AZI2: variants seen among roughly 807,000 people sequenced by gnomAD.
The protein encoded by AZI2 is 5-azacytidine-induced protein 2.
Under a neutral mutation model 45.8 loss-of-function variants are expected in AZI2, and 22 were observed. The observed-to-expected ratio is 0.48, with a 90% CI of 0.34 to 0.69. The LOEUF (loss-of-function observed/expected upper bound fraction) is 0.69, where lower values mean the gene tolerates loss of function less well. AZI2 is among the 30% of genes least tolerant of loss of function. AZI2 has a pLI of 0.01. For missense variants in AZI2, 417 were observed against 441.5 expected (o/e 0.94, Z 0.50); for synonymous variants, 137 against 156.7 (o/e 0.87, Z 0.94).
chr3:28,333,182 T>C (rs1559458597), intron 5 of AZI2, among the ~76,000 whole-genome samples: 1 of 151,822 alleles, frequency 6.6e-6, no homozygotes, highest in Non-Finnish European at 1.5e-5. Flanking sequence ...TATTTCTTAC[T>C]AATACAATCT....
At chr3:28,326,764 A>G in intron 7 of AZI2, 68 bp downstream of exon 7, 1 of 1,121,884 alleles carries the variant, frequency 8.9e-7, no homozygotes, top group Non-Finnish European at 1.4e-6. Context: ...TTTTGATAAG[A>G]TATGACAGCT....
rs1341052627 is a variant in AZI2 at position 28,336,793 on chromosome 3, G to A, written c.532C>T (p.Leu178=). 6.2e-7 allele frequency: 1 copy of A among 1,613,176 alleles called. No homozygotes were observed. Among genetic ancestry groups the A allele is most frequent in the Non-Finnish European group, 8.5e-7 (1 of 1,179,618 alleles). ...AGATCGCTACATTCTTTCCTCATCAGTTCCAGCTCTTGTTCCAAACCATGG... is the reference window on the plus strand; with the variant it reads ...AGATCGCTACATTCTTTCCTCATCAATTCCAGCTCTTGTTCCAAACCATGG... ...KIHGLEQELE[L]MRKECSDLKI... Residue 178 remains leucine, a synonymous_variant, in exon 5 of 8, where the codon CTG becomes TTG. Transcript: ENST00000479665.
chr3:28,344,664 T>C lies in AZI2; in HGVS notation c.-6+3937A>G, dbSNP rs1463136557. 2.6e-5 allele frequency among the ~76,000 whole-genome samples: 4 copies of C among 152,108 alleles called. No individual in the cohort carries two copies. In the East Asian group the frequency reaches 7.7e-4, roughly 29 times the overall value. ...ATGGTAAAAGTGTAACTGGCTATTA[T>C]TCTATTTGACAAACTAGACCAAGCT... On this transcript the variant is annotated intron_variant, in intron 1 of 7. Coordinates refer to ENST00000479665, the MANE Select transcript of AZI2 (RefSeq NM_022461.5).
rs1387048493 is a variant in AZI2, at chr3:28,336,800, C to A, written c.525G>T (p.Glu175Asp). 1 of 1,613,432 alleles carries A rather than the reference C, an allele frequency of 6.2e-7. No individual in the cohort carries two copies. Among genetic ancestry groups the A allele is most frequent in the South Asian group, 1.1e-5 (1 of 91,046 alleles). ...CDLKIHGLEQELELMRKECSD... is the reference protein window; with the variant it reads ...CDLKIHGLEQDLELMRKECSD... Reference sequence around the variant, plus strand: ...TACATTCTTTCCTCATCAGTTCCAGCTCTTGTTCCAAACCATGGATCTTCA... The same window carrying A: ...TACATTCTTTCCTCATCAGTTCCAGATCTTGTTCCAAACCATGGATCTTCA... The change falls in exon 5 of 8, where the codon GAG (glutamate) becomes GAT (aspartate). Residue 175 changes from glutamate (E) to aspartate (D), a missense_variant. By Grantham distance (45) the Glu-to-Asp change is conservative. Coordinates refer to ENST00000479665, the MANE Select transcript of AZI2 (RefSeq NM_022461.5).
chr3:28,324,359 G>C lies in AZI2; in HGVS notation c.862C>G (p.Leu288Val). Residue 288 changes from leucine to valine, a missense_variant, in exon 8 of 8, where the codon CTC (leucine) becomes GTC (valine). By Grantham distance (32) the Leu-to-Val change is conservative (BLOSUM62 1). Transcript: ENST00000479665. The part of the protein sequence containing the change: ...FTATYTRHPP[L>V]LPNGKALCHT... ...CAAAGAGCTTTGCCATTTGGTAAGA[G>C]AGGGGGATGTCTTGTGTATGTTGCA... 6.3e-7 allele frequency: 1 copy of C among 1,595,322 alleles called. No homozygotes were observed. The highest frequency in any genetic ancestry group is 8.5e-7 in the Non-Finnish European group (1 of 1,170,006).
chr3:28,340,602 C>G lies in AZI2; in HGVS notation c.16G>C (p.Glu6Gln), dbSNP rs1169485365. MDALV[E>Q]DDICILNHEK... ...TGATTCAGAATACAGATATCATCTT[C>G]TACCAGTGCATCCATGACAACTGTT... Residue 6 changes from glutamate to glutamine, a missense_variant, in exon 2 of 8, where the codon GAA becomes CAA. Physicochemically the swap from Glu to Gln is conservative, Grantham distance 29 (BLOSUM62 2). Transcript: ENST00000479665. 1 of 1,609,156 alleles carries G rather than the reference C, an allele frequency of 6.2e-7. No individual in the cohort carries two copies. The highest frequency in any genetic ancestry group is 8.5e-7 in the Non-Finnish European group (1 of 1,177,854).
chr3:28,336,799 G>A lies in AZI2; in HGVS notation c.526C>T (p.Leu176=). 6.2e-7 allele frequency: 1 copy of A among 1,613,314 alleles called. No individual in the cohort carries two copies. ...DLKIHGLEQE[L]ELMRKECSDL... ...CTACATTCTTTCCTCATCAGTTCCA[G>A]CTCTTGTTCCAAACCATGGATCTTC... Residue 176 remains leucine, a synonymous_variant, in exon 5 of 8, where the codon CTG becomes TTG. Coordinates refer to ENST00000479665, the MANE Select transcript of AZI2 (RefSeq NM_022461.5).
At chr3:28,337,725 C>T (rs894754610) in intron 4 of AZI2, among the ~76,000 whole-genome samples, 1 of 152,168 alleles carries the variant, frequency 6.6e-6, no homozygotes, top group African/African-American at 2.4e-5. Flanking sequence ...AAAACCATCA[C>T]ATTTTCTCTA....
intron 1 of AZI2, among the ~76,000 whole-genome samples, chr3:28,341,109 A>C (rs922701838): frequency 6.6e-6 from 1 of 152,122 alleles, no homozygotes; most frequent in Admixed American, 6.6e-5. Flanking sequence ...ATATTATAGA[A>C]GTCTTAATGC....
In AZI2 at chr3:28,344,481, A is replaced by T. The variant is rs1055990344; in HGVS notation, c.-5-3859T>A. 2.6e-5 allele frequency among the ~76,000 whole-genome samples: 4 copies of T among 152,162 alleles called. No individual in the cohort carries two copies. In the East Asian group the frequency reaches 7.7e-4, roughly 29 times the overall value. On this transcript the variant is annotated intron_variant, in intron 1 of 7. Transcript: ENST00000479665. Reference sequence around the variant, plus strand: ...GTTGCCTTTGGTGTTATTGCTACGCAAGCATCCTTTATAAAATGTATTTCT... The same window carrying T: ...GTTGCCTTTGGTGTTATTGCTACGCTAGCATCCTTTATAAAATGTATTTCT...
chr3:28,343,972 A>G (rs988774209), intron 1 of AZI2, among the ~76,000 whole-genome samples: 2 of 151,972 alleles, frequency 1.3e-5, no homozygotes, highest in African/African-American at 4.8e-5. Context: ...TATAAATCAA[A>G]AGTTGCATAT....
chr3:28,343,542 T>G (rs905586587), intron 1 of AZI2, among the ~76,000 whole-genome samples: 1 of 152,050 alleles, frequency 6.6e-6, no homozygotes, highest in African/African-American at 2.4e-5. Context: ...TTGATTTTTT[T>G]TTTTTAATTC....
In AZI2 at chr3:28,326,910, T is replaced by A. The variant is rs1438803285; in HGVS notation, c.688A>T (p.Met230Leu). Residue 230 changes from methionine to leucine, a missense_variant, in exon 7 of 8, where the codon ATG becomes TTG. Transcript: ENST00000479665. ...QHAYWELKRE[M>L]SNLHLVTQVQ... Reference sequence around the variant, plus strand: ...TGAGTCACCAGATGTAAATTAGACATTTCTCTCTTCAGTTCCCAGTATGCA... The same window carrying A: ...TGAGTCACCAGATGTAAATTAGACAATTCTCTCTTCAGTTCCCAGTATGCA... The A allele has an allele frequency of 6.2e-7, 1 of 1,608,150 alleles. No homozygotes were observed. Among genetic ancestry groups the A allele is most frequent in the African/African-American group, 1.3e-5 (1 of 74,502 alleles).
chr3:28,333,294 G>A (rs941201259), intron 5 of AZI2, among the ~76,000 whole-genome samples: 7 of 151,724 alleles, frequency 4.6e-5, no homozygotes, highest in African/African-American at 1.7e-4. Flanking sequence ...TCTTATAGGA[G>A]TTAAAACATT....
At chr3:28,347,217 A>G (rs1704278038) in intron 1 of AZI2, among the ~76,000 whole-genome samples, 1 of 152,220 alleles carries the variant, frequency 6.6e-6, no homozygotes, top group African/African-American at 2.4e-5. Context: ...TACTTCATGG[A>G]TTATAAAAAA....
In AZI2 at chr3:28,323,823, A is replaced by G; in HGVS notation, c.*219T>C. 2.3e-6 allele frequency: 1 copy of G among 430,430 alleles called. No homozygotes were observed. Among genetic ancestry groups the G allele is most frequent in the Non-Finnish European group, 4.1e-6 (1 of 241,430 alleles). The allele number at this position is 430,430 out of a possible 1,614,324, so 26.7% of individuals were successfully genotyped here. A position where few individuals can be genotyped will look rare whatever the true frequency, so the allele number is the denominator to read the frequency against. Reference sequence around the variant, plus strand: ...TACTTATTAATTAGTATAGTAGCATATTTCAGATTCTTAGAATATGGAGCT... The same window carrying G: ...TACTTATTAATTAGTATAGTAGCATGTTTCAGATTCTTAGAATATGGAGCT... On this transcript the variant is annotated 3_prime_UTR_variant, in exon 8 of 8. Transcript: ENST00000479665.
chr3:28,345,870 A>G (rs1704205854), intron 1 of AZI2, among the ~76,000 whole-genome samples: 1 of 151,800 alleles, frequency 6.6e-6, no homozygotes, highest in African/African-American at 2.4e-5. Context: ...ATCCTGTCAT[A>G]TTTCATCATC....
In AZI2 at chr3:28,335,020, AAAG is replaced by A. The variant is rs548999754; in HGVS notation, c.588+1714_588+1716del. ...TGTGAGAAATACAGACTCTTGGGCCAAAGAAGTAAAAGAGATACTGGATCAGTA... is the reference window on the plus strand; with the variant it reads ...TGTGAGAAATACAGACTCTTGGGCCAAAGTAAAAGAGATACTGGATCAGTA... On this transcript the variant is annotated intron_variant, in intron 5 of 7. Transcript: ENST00000479665. 3.9e-3 allele frequency among the ~76,000 whole-genome samples: 590 copies of A among 152,174 alleles called. 1 individual carries two copies. The highest frequency in any genetic ancestry group is 0.014 in the African/African-American group (565 of 41,544).
intron 1 of AZI2, among the ~76,000 whole-genome samples, chr3:28,342,781 C>A (rs896563056): frequency 1.3e-5 from 2 of 151,638 alleles, no homozygotes; most frequent in Non-Finnish European, 1.5e-5. Flanking sequence ...AAAATAGTCA[C>A]AGACGGCTAG....
Sources: gnomAD v4.1 joint callset for allele counts (sites outside exome capture counted in the v4.1 genomes callset) on GRCh38, gnomAD v4.1.1 for gene constraint, MANE v1.5 for transcripts, NCBI Gene and HGNC (gene_info 2026-07-23, HGNC 2026-07-21) for gene names.